Variants in AKAP19 observed in about 807,000 individuals in gnomAD.
AKAP19 encodes A-kinase anchoring protein 19.
At chr2:190,080,802 T>C in the AKAP19 span, among the ~76,000 whole-genome samples, 484 of 152,288 alleles carry the variant, frequency 3.2e-3, 5 homozygotes, top group African/African-American at 0.011. Flanking sequence ...AGCAGGGATG[T>C]TTTAACACTG....
chr2:189,968,926 T>G, the AKAP19 span, among the ~76,000 whole-genome samples: 1 of 152,158 alleles, frequency 6.6e-6, no homozygotes, highest in African/African-American at 2.4e-5. Flanking sequence ...ATACATATTA[T>G]AGAAAAAATT....
chr2:190,138,056 A>G, the AKAP19 span, among the ~76,000 whole-genome samples: 1 of 152,206 alleles, frequency 6.6e-6, no homozygotes, highest in African/African-American at 2.4e-5. Context: ...ACTCTGGCAC[A>G]TTCTTAAGTG....
At chr2:190,040,015 T>G in the AKAP19 span, among the ~76,000 whole-genome samples, 1 of 152,202 alleles carries the variant, frequency 6.6e-6, no homozygotes, top group Non-Finnish European at 1.5e-5. Flanking sequence ...GTAGAATGGT[T>G]TACATACATC....
At chr2:190,062,773 G>A in the AKAP19 span, 1 of 595,564 alleles carries the variant, frequency 1.7e-6, no homozygotes, top group Non-Finnish European at 2.9e-6. Flanking sequence ...CAACTTAGAT[G>A]AGACAAGTGT....
chr2:190,066,087 TAA>T, the AKAP19 span, among the ~76,000 whole-genome samples: 2 of 152,102 alleles, frequency 1.3e-5, no homozygotes, highest in Non-Finnish European at 1.5e-5. Context: ...GGTTTTGTCT[TAA>T]GTTAGCCATC....
the AKAP19 span, among the ~76,000 whole-genome samples, chr2:189,972,950 T>C: frequency 2.2e-4 from 33 of 152,366 alleles, no homozygotes; most frequent in East Asian, 3.9e-3. Flanking sequence ...TGACTTCCTC[T>C]TTTCCTAATT....
At chr2:190,079,989 A>C in the AKAP19 span, 1 of 152,018 alleles carries the variant, frequency 6.6e-6, no homozygotes, top group Non-Finnish European at 1.5e-5. Flanking sequence ...GACCAGGTGA[A>C]ATAGATATCC....
chr2:189,946,617 T>C, the AKAP19 span, among the ~76,000 whole-genome samples: 97 of 152,212 alleles, frequency 6.4e-4, no homozygotes, highest in Non-Finnish European at 1.1e-3. Context: ...ATTAAAACAT[T>C]TTTAGTCCCC....
the AKAP19 span, among the ~76,000 whole-genome samples, chr2:190,097,472 G>T: frequency 6.6e-6 from 1 of 152,264 alleles, no homozygotes; most frequent in East Asian, 1.9e-4. Flanking sequence ...TTGCCACATA[G>T]ATTGACTTTT....
the AKAP19 span, among the ~76,000 whole-genome samples, chr2:190,065,737 G>C: frequency 6.6e-6 from 1 of 152,188 alleles, no homozygotes; most frequent in Non-Finnish European, 1.5e-5. Flanking sequence ...TGCTAACTCA[G>C]TGTTGGCAAT....
the AKAP19 span, among the ~76,000 whole-genome samples, chr2:189,926,642 G>A: frequency 0.7 from 92,002 of 130,552 alleles, 36,274 homozygotes; most frequent in Non-Finnish European, 0.88. Context: ...GTGCAGTGGC[G>A]CGATCTCGGC....
At chr2:190,115,278 TA>T in the AKAP19 span, among the ~76,000 whole-genome samples, 5 of 5,172 alleles carry the variant, frequency 9.7e-4, no homozygotes, top group Admixed American at 2.1e-3. Context: ...TATATATATA[TA>T]TATATATATA....
At chr2:189,922,412 A>G in the AKAP19 span, among the ~76,000 whole-genome samples, 1 of 152,204 alleles carries the variant, frequency 6.6e-6, no homozygotes, top group Non-Finnish European at 1.5e-5. Flanking sequence ...TTAATCCATA[A>G]CCAATATGAG....
At chr2:189,975,638 C>A in the AKAP19 span, among the ~76,000 whole-genome samples, 1 of 151,522 alleles carries the variant, frequency 6.6e-6, no homozygotes, top group African/African-American at 2.4e-5. Flanking sequence ...TAGATTTGGT[C>A]TTTTCACATA....
chr2:190,100,495 G>A, the AKAP19 span, among the ~76,000 whole-genome samples: 2 of 152,074 alleles, frequency 1.3e-5, no homozygotes, highest in African/African-American at 4.8e-5. Context: ...CTAATGAGTA[G>A]GTCATAGTCA....
chr2:189,942,258 TCACCTCCC>T, the AKAP19 span, among the ~76,000 whole-genome samples: 6,286 of 152,148 alleles, frequency 0.041, 410 homozygotes, highest in African/African-American at 0.14. Flanking sequence ...GAAGTGTGTG[TCACCTCCC>T]CACTCAACTC....
At chr2:189,962,313 G>A in the AKAP19 span, among the ~76,000 whole-genome samples, 1 of 152,110 alleles carries the variant, frequency 6.6e-6, no homozygotes, top group African/African-American at 2.4e-5. Context: ...GTTTGCGTAA[G>A]TATACTCTAT....
chr2:190,039,753 T>C, the AKAP19 span, among the ~76,000 whole-genome samples: 27 of 152,228 alleles, frequency 1.8e-4, no homozygotes, highest in Non-Finnish European at 3.4e-4. Context: ...GCTCCCACTT[T>C]AAAGTGAGAA....
At chr2:190,078,001 T>A in the AKAP19 span, among the ~76,000 whole-genome samples, 2 of 152,056 alleles carry the variant, frequency 1.3e-5, no homozygotes, top group Non-Finnish European at 2.9e-5. Flanking sequence ...TCTTAAGGAG[T>A]TCTTTGCCTG....
Sources: allele counts gnomAD v4.1 joint callset (sites outside exome capture counted in the v4.1 genomes callset), GRCh38; gene constraint gnomAD v4.1.1; transcripts MANE v1.5; gene names NCBI Gene and HGNC (gene_info 2026-07-23, HGNC 2026-07-21).